NWD2: variants seen among roughly 807,000 people sequenced by gnomAD.
NWD2 encodes the protein NACHT and WD repeat domain containing 2.
A neutral mutation model predicts 132.7 loss-of-function variants in NWD2; 37 were observed. That is an observed-to-expected ratio of 0.28 (90% CI 0.21 to 0.37). The LOEUF is 0.37. NWD2 is among the 10% of genes least tolerant of loss of function. NWD2 has a pLI of 1.00. For missense variants in NWD2, 1,592 were observed against 2,122.4 expected, an observed-to-expected ratio of 0.75 and a Z score of 4.91; for synonymous variants, 705 against 803.0, an observed-to-expected ratio of 0.88 and a Z score of 2.06.
intron 1 of NWD2, among the ~76,000 whole-genome samples, chr4:37,280,599 AC>A (rs1718108120): frequency 6.6e-6 from 1 of 151,996 alleles, no homozygotes; most frequent in Non-Finnish European, 1.5e-5. Flanking sequence ...TTATTTAAGG[AC>A]CTCTGTACTG....
At chr4:37,309,254 C>G (rs1451964671) in intron 1 of NWD2, among the ~76,000 whole-genome samples, 2 of 152,194 alleles carry the variant, frequency 1.3e-5, no homozygotes, top group African/African-American at 4.8e-5. Flanking sequence ...GGGGAGTGCA[C>G]ACGAGCATGT....
At chr4:37,312,659 A>C (rs1577664493) in intron 1 of NWD2, among the ~76,000 whole-genome samples, 2 of 150,848 alleles carry the variant, frequency 1.3e-5, no homozygotes, top group South Asian at 4.2e-4. Context: ...AGAACTTCCA[A>C]CACTATGTTG....
intron 1 of NWD2, among the ~76,000 whole-genome samples, chr4:37,290,081 G>A (rs533298835): frequency 3.3e-5 from 5 of 152,286 alleles, no homozygotes; most frequent in African/African-American, 1.2e-4. Context: ...ATAGTTGAAA[G>A]TAAGCAAAAG....
intron 3 of NWD2, among the ~76,000 whole-genome samples, chr4:37,369,806 C>T (rs1271273047): frequency 6.6e-6 from 1 of 152,204 alleles, no homozygotes; most frequent in Admixed American, 6.5e-5. Context: ...CAAATATTCT[C>T]TTCCCTGCTT....
At chr4:37,356,829 C>T (rs1719879818) in intron 3 of NWD2, among the ~76,000 whole-genome samples, 1 of 152,118 alleles carries the variant, frequency 6.6e-6, no homozygotes, top group African/African-American at 2.4e-5. Flanking sequence ...ATAATATATT[C>T]CATCATAGTG....
chr4:37,248,451 G>A (rs1717288383), intron 1 of NWD2, among the ~76,000 whole-genome samples: 1 of 152,328 alleles, frequency 6.6e-6, no homozygotes, highest in African/African-American at 2.4e-5. Context: ...GGAGGTGATA[G>A]CATTATCCCA....
chr4:37,274,222 G>C (rs1276251947), intron 1 of NWD2, among the ~76,000 whole-genome samples: 3 of 152,022 alleles, frequency 2.0e-5, no homozygotes, highest in Non-Finnish European at 2.9e-5. Context: ...GAATCAAATA[G>C]ATGCAATAAA....
intron 2 of NWD2, 26 bp from the exon 3 acceptor site, chr4:37,356,340 A>T: frequency 7.9e-7 from 1 of 1,266,390 alleles, no homozygotes; most frequent in Non-Finnish European, 1.1e-6. Context: ...CATGTAAACT[A>T]ATGCTCTTCA....
At chr4:37,424,721 C>G (rs969029128) in intron 3 of NWD2, among the ~76,000 whole-genome samples, 1 of 152,162 alleles carries the variant, frequency 6.6e-6, no homozygotes, top group East Asian at 1.9e-4. Flanking sequence ...AGCTGCCTCA[C>G]GCCCAACAAA....
chr4:37,316,085 C>T (rs1394130535), intron 1 of NWD2, among the ~76,000 whole-genome samples: 2 of 152,028 alleles, frequency 1.3e-5, no homozygotes, highest in Non-Finnish European at 2.9e-5. Context: ...TACATACTTA[C>T]ATATTTACCT....
chr4:37,388,983 G>A (rs1355486498), intron 3 of NWD2, among the ~76,000 whole-genome samples: 4 of 151,376 alleles, frequency 2.6e-5, no homozygotes, highest in Non-Finnish European at 5.9e-5. Context: ...AAATAAAAAG[G>A]AATTTAACAT....
chr4:37,433,200 T>C (rs1712225900), intron 4 of NWD2, among the ~76,000 whole-genome samples: 1 of 152,336 alleles, frequency 6.6e-6, no homozygotes, highest in Non-Finnish European at 1.5e-5. Flanking sequence ...CAGTTAAAGA[T>C]GCCAGGAGTA....
In NWD2 at chr4:37,348,675, T is replaced by TATATATATACAC. The variant is rs1308407988; in HGVS notation, c.241-7690_241-7689insTATATATACACA. Among the ~76,000 whole-genome samples the TATATATATACAC allele has an allele frequency of 5.6e-3, 127 of 22,536 alleles. 1 individual carries two copies. The highest frequency in any genetic ancestry group is 7.3e-3 in the Non-Finnish European group (96 of 13,074). 14.8% of individuals were successfully genotyped at this position (22,536 alleles called of 152,430 possible). ...ATATATATATATATATATATATATA[T>TATATATATACAC]ACACACACACACACACACACACACA... On this transcript the variant is annotated intron_variant, in intron 2 of 6. Coordinates refer to ENST00000309447, the MANE Select transcript of NWD2 (RefSeq NM_001144990.2).
chr4:37,434,082 T>A (rs1262649157), intron 5 of NWD2, 62 bp downstream of exon 5: 8 of 1,086,712 alleles, frequency 7.4e-6, no homozygotes, highest in Non-Finnish European at 3.9e-6. Context: ...ATCTACTGCT[T>A]CCCTTTAATG....
chr4:37,258,298 G>A (rs1160679911), intron 1 of NWD2, among the ~76,000 whole-genome samples: 2 of 152,238 alleles, frequency 1.3e-5, no homozygotes, highest in African/African-American at 4.8e-5. Flanking sequence ...AACTTTCACT[G>A]TAAGTTGATC....
At chr4:37,324,022 G>A (rs1441258770) in intron 1 of NWD2, among the ~76,000 whole-genome samples, 1 of 152,128 alleles carries the variant, frequency 6.6e-6, no homozygotes, top group Non-Finnish European at 1.5e-5. Flanking sequence ...GAGAACAATA[G>A]ACACTGTGGA....
At chr4:37,430,435 T>G in intron 3 of NWD2, 137 bp from the exon 4 acceptor site, 1 of 660,752 alleles carries the variant, frequency 1.5e-6, no homozygotes, top group East Asian at 2.7e-5. Flanking sequence ...CTATCCACTG[T>G]GACCAAAAGA....
chr4:37,394,784 T>C (rs1281224746), intron 3 of NWD2, among the ~76,000 whole-genome samples: 5 of 141,494 alleles, frequency 3.5e-5, no homozygotes, highest in Admixed American at 7.3e-5. Context: ...TTTTCCTCTA[T>C]AGTGAACCTT....
At chr4:37,335,018 C>T (rs1041778421) in intron 2 of NWD2, among the ~76,000 whole-genome samples, 6 of 152,112 alleles carry the variant, frequency 3.9e-5, no homozygotes, top group South Asian at 4.2e-4. Flanking sequence ...TCCCTAATAC[C>T]AAACTCTTAA....
Sources: gnomAD v4.1 joint callset for allele counts (sites outside exome capture counted in the v4.1 genomes callset) on GRCh38, gnomAD v4.1.1 for gene constraint, MANE v1.5 for transcripts, NCBI Gene and HGNC (gene_info 2026-07-23, HGNC 2026-07-21) for gene names.